EME1: variants seen among roughly 807,000 people sequenced by gnomAD.
EME1 encodes essential meiotic structure-specific endonuclease 1.
EME1 carries 61 observed loss-of-function variants against 59.1 expected under a neutral mutation model. That is an observed-to-expected ratio of 1.03 (90% confidence interval 0.84 to 1.28). The LOEUF (loss-of-function observed/expected upper bound fraction) is 1.28. Ranked by LOEUF, EME1 falls within the 50% of genes most tolerant of loss-of-function variation. The pLI, the probability that EME1 is intolerant of heterozygous loss-of-function variation, is 0.00. For synonymous variants in EME1, 230 were observed against 254.2 expected (o/e 0.90, Z 0.90); for missense variants, 635 against 682.6 (o/e 0.93, Z 0.78).
chr17:50,379,772 T>C (rs1237220162), intron 7 of EME1: 1 of 550,440 alleles, frequency 1.8e-6, no homozygotes, highest in Non-Finnish European at 3.3e-6. Flanking sequence ...TCCTTTCGCC[T>C]ATATGTAAGT....
rs372148977 is a variant in EME1 at position 50,375,588 on chromosome 17, A to G, written c.380A>G (p.Asn127Ser). The G allele has an allele frequency of 2.9e-5, 46 of 1,608,754 alleles. No homozygotes were observed. The African/African-American group carries it at 5.6e-4, about 19-fold the overall frequency. The change falls in exon 2 of 9, where the codon AAT becomes AGT. Residue 127 changes from asparagine to serine, a missense_variant. Physicochemically the swap from Asn to Ser is conservative, Grantham distance 46. Coordinates refer to ENST00000338165, the MANE Select transcript of EME1 (RefSeq NM_152463.4). ...GTTAAAAGTGTTTTGGATCATCAAA[A>G]TAATGAAGGTGCATCATGTGACTGG... ...SPVKSVLDHQNNEGASCDWKK... is the reference protein window; with the variant it reads ...SPVKSVLDHQSNEGASCDWKK...
At chr17:50,375,116 G>A (rs1913385346) in intron 1 of EME1, 69 bp from the exon 2 acceptor site, 1 of 1,232,456 alleles carries the variant, frequency 8.1e-7, no homozygotes, top group Admixed American at 2.2e-5. Context: ...ATAAAGCCTG[G>A]CTATGGAACA....
At chr17:50,379,814 G>A in intron 7 of EME1, 3 of 462,756 alleles carry the variant, frequency 6.5e-6, no homozygotes, top group East Asian at 3.6e-5. Context: ...CATAGGCCAG[G>A]TTACCATAGG....
At chr17:50,378,486 C>T in intron 3 of EME1, 109 bp from the exon 4 acceptor site, 1 of 994,802 alleles carries the variant, frequency 1.0e-6, no homozygotes, top group Non-Finnish European at 1.6e-6. Flanking sequence ...AAGGATAATG[C>T]ATAAGGGGTG....
At position 50,375,186 on chromosome 17, in the gene EME1, G is replaced by T; in HGVS notation, c.-23G>T. On this transcript the variant is annotated splice_region_variant and 5_prime_UTR_variant, in exon 2 of 9. Transcript: ENST00000338165. ...GTCATATGTCTCTTTTCCTTTTAGG[G>T]AATTATTTGATAGCACATACTGATG... is the stretch of plus-strand genomic sequence containing the variant. The T allele has an allele frequency of 6.2e-7, 1 of 1,605,492 alleles. No individual in the cohort carries two copies. The highest frequency in any genetic ancestry group is 8.5e-7 in the Non-Finnish European group (1 of 1,176,384).
rs1355177544 is a variant in EME1 at position 50,376,185 on chromosome 17, C to T, written c.895C>T (p.Pro299Ser). 4 of 1,612,910 alleles carry T rather than the reference C, an allele frequency of 2.5e-6. No homozygotes were observed. Among genetic ancestry groups the T allele is most frequent in the Non-Finnish European group, 3.4e-6 (4 of 1,179,796 alleles). Residue 299 changes from proline to serine, a missense_variant, in exon 3 of 9, where the codon CCG (proline) becomes TCG (serine). Transcript: ENST00000338165. ...TGTCACTTGGAGGAGAAGGGCTGGG[C>T]CGTCTGAGGTAGGAGTTTTCTGGCT... ...CSVTWRRRAG[P>S]SEDREDWVEE... is the part of the protein sequence containing the mutation.
intron 1 of EME1, 139 bp downstream of exon 1, chr17:50,373,416 AG>A (rs1272121095): frequency 8.5e-6 from 5 of 586,822 alleles, no homozygotes; most frequent in African/African-American, 3.8e-5. Context: ...CTTGTCGGGC[AG>A]GGGCCCGCTT....
At chr17:50,377,582 TTCTTG>T (rs1194484586) in intron 3 of EME1, among the ~76,000 whole-genome samples, 2 of 152,156 alleles carry the variant, frequency 1.3e-5, no homozygotes, top group South Asian at 2.1e-4. Flanking sequence ...TCCCTTGTGA[TTCTTG>T]TCTTTGTCAC....
chr17:50,375,504 G>T lies in EME1; in HGVS notation c.296G>T (p.Arg99Met). 6.2e-7 allele frequency: 1 copy of T among 1,613,770 alleles called. No homozygotes were observed. Among genetic ancestry groups the T allele is most frequent in the South Asian group, 1.1e-5 (1 of 91,042 alleles). Residue 99 changes from arginine (R) to methionine (M), a missense_variant, in exon 2 of 9, where the codon AGG (arginine) becomes ATG (methionine). Arg to Met is a moderately conservative substitution (Grantham distance 91). Transcript: ENST00000338165. ...DEEEFIPLAQ[R>M]LTCKFLTHKQ... ...GAAGAATTTATTCCTCTGGCTCAAA[G>T]GCTTACATGTAAGTTTCTGACCCAC... is the stretch of plus-strand genomic sequence containing the variant.
At chr17:50,378,241 AT>A (rs953514166) in intron 3 of EME1, among the ~76,000 whole-genome samples, 1 of 150,760 alleles carries the variant, frequency 6.6e-6, no homozygotes, top group Non-Finnish European at 1.5e-5. Context: ...TAATTTTTGT[AT>A]TTTTAATAGA....
chr17:50,373,566 T>C (rs1236138121), intron 1 of EME1, among the ~76,000 whole-genome samples: 1 of 152,188 alleles, frequency 6.6e-6, no homozygotes, highest in African/African-American at 2.4e-5. Flanking sequence ...GATGCATTAT[T>C]TTATTTAATT....
At position 50,375,976 on chromosome 17, in the gene EME1, G is replaced by C; in HGVS notation, c.768G>C (p.Leu256=). Residue 256 remains leucine (L), a synonymous_variant, in exon 2 of 9, where the codon CTG becomes CTC. Transcript: ENST00000338165. ...GCTTAAAACACATCATTGTAGTGCT[G>C]GATCCAGGTCCTCACATGTGTCTTT... The part of the protein sequence containing the change: ...EECLKHIIVV[L]DPVLLQMEGG... 2 of 1,605,752 alleles carry C rather than the reference G, an allele frequency of 1.2e-6. No homozygotes were observed. Among genetic ancestry groups the C allele is most frequent in the Non-Finnish European group, 1.7e-6 (2 of 1,174,316 alleles).
At chr17:50,377,464 A>T (rs79451072) in intron 3 of EME1, among the ~76,000 whole-genome samples, 1 of 152,196 alleles carries the variant, frequency 6.6e-6, no homozygotes, top group Admixed American at 6.5e-5. Flanking sequence ...CTGTTCCCCA[A>T]TTACTCCATA....
chr17:50,380,287 C>T, intron 7 of EME1, 25 bp from the exon 8 acceptor site: 1 of 1,574,754 alleles, frequency 6.4e-7, no homozygotes, highest in Non-Finnish European at 8.6e-7. Flanking sequence ...GAGCAACTTA[C>T]AGCTCTCCAA....
Position 50,375,703 on chromosome 17 carries a change from A to C in EME1, c.495A>C (p.Pro165=), listed in dbSNP as rs1390346657. 6.2e-7 allele frequency: 1 copy of C among 1,614,148 alleles called. No individual in the cohort carries two copies. The highest frequency in any genetic ancestry group is 1.1e-5 in the South Asian group (1 of 91,074). The change falls in exon 2 of 9, where the codon CCA becomes CCC. Residue 165 remains proline (P), a synonymous_variant. Transcript: ENST00000338165. The part of the protein sequence containing the change: ...AADNKDLILD[P]CCQLPAYLST... ...ATAACAAGGACCTGATCTTAGATCCATGCTGTCAGCTTCCAGCCTACCTGT... is the reference window on the plus strand; with the variant it reads ...ATAACAAGGACCTGATCTTAGATCCCTGCTGTCAGCTTCCAGCCTACCTGT...
chr17:50,373,514 T>A (rs997981842), intron 1 of EME1, among the ~76,000 whole-genome samples: 1 of 152,250 alleles, frequency 6.6e-6, no homozygotes, highest in African/African-American at 2.4e-5. Flanking sequence ...CAACTTACTC[T>A]ACTTAGCCAG....
intron 7 of EME1, 124 bp from the exon 8 acceptor site, chr17:50,380,186 AAG>A (rs748190238): frequency 1.4e-4 from 128 of 941,872 alleles, no homozygotes; most frequent in Non-Finnish European, 1.9e-4. Flanking sequence ...AAGGCACAAA[AAG>A]GCCAGATGTA....
rs774132072 is a variant in EME1 at position 50,379,124 on chromosome 17, G to C, written c.1130G>C (p.Arg377Thr). The C allele has an allele frequency of 1.9e-6, 3 of 1,614,034 alleles. No homozygotes were observed. Residue 377 changes from arginine to threonine, a missense_variant, in exon 6 of 9, where the codon AGA (arginine) becomes ACA (threonine). Coordinates refer to ENST00000338165, the MANE Select transcript of EME1 (RefSeq NM_152463.4). ...EKCFSAQNPP[R>T]RGKQGANKQT... ...TGCACCAGTGCTCAGAATCCTCCAA[G>C]AAGAGGGAAACAGGGAGCAAATAAA...
At chr17:50,374,432 TCTCA>T (rs1913338219) in intron 1 of EME1, among the ~76,000 whole-genome samples, 1 of 152,180 alleles carries the variant, frequency 6.6e-6, no homozygotes, top group East Asian at 1.9e-4. Context: ...AGAGACGAGT[TCTCA>T]CTATGTTGCC....
Sources: allele counts gnomAD v4.1 joint callset (sites outside exome capture counted in the v4.1 genomes callset), GRCh38; gene constraint gnomAD v4.1.1; transcripts MANE v1.5; gene names NCBI Gene and HGNC (gene_info 2026-07-23, HGNC 2026-07-21).